Variants in SLC16A2 observed in about 807,000 individuals in gnomAD.
SLC16A2 encodes monocarboxylate transporter 8.
Under a neutral mutation model 27.2 loss-of-function variants are expected in SLC16A2, and 3 were observed. The observed-to-expected ratio is 0.11, with a 90% CI of 0.05 to 0.28. The LOEUF (loss-of-function observed/expected upper bound fraction) is 0.28, where lower values mean the gene tolerates loss of function less well. Ranked by LOEUF, SLC16A2 falls within the 10% of genes least tolerant of loss-of-function variation. The probability of loss-of-function intolerance (pLI) is 1.00; values close to 1 mark genes in which losing one functional copy is unlikely to be tolerated. For missense variants in SLC16A2, 295 were observed against 458.5 expected (o/e 0.64, Z 3.26); for synonymous variants, 202 against 187.8 (o/e 1.08, Z -0.62).
intron 1 of SLC16A2, among the ~76,000 whole-genome samples, chrX:74,478,250 T>G (rs1357089360): frequency 8.9e-6 from 1 of 111,926 alleles, no homozygotes; most frequent in Non-Finnish European, 1.9e-5. Flanking sequence ...AATGGCCTTC[T>G]TTGTCTCTTT....
intron 1 of SLC16A2, among the ~76,000 whole-genome samples, chrX:74,459,564 C>T (rs947442810): frequency 1.8e-5 from 2 of 110,129 alleles, no homozygotes; most frequent in Non-Finnish European, 3.8e-5. Flanking sequence ...TTTTCTCAGT[C>T]ATCAAGCAGG....
At chrX:74,508,261 C>T (rs1248643439) in intron 1 of SLC16A2, among the ~76,000 whole-genome samples, 1 of 111,937 alleles carries the variant, frequency 8.9e-6, no homozygotes, top group East Asian at 2.8e-4. Flanking sequence ...AAAAACCTCG[C>T]TGGGATGTTA....
chrX:74,508,637 T>A (rs908841328), intron 1 of SLC16A2, among the ~76,000 whole-genome samples: 3 of 112,101 alleles, frequency 2.7e-5, no homozygotes, highest in Non-Finnish European at 5.6e-5. Context: ...TGTCTGTAAA[T>A]AAAGACGGTT....
At chrX:74,462,658 T>C (rs986961858) in intron 1 of SLC16A2, among the ~76,000 whole-genome samples, 15 of 111,820 alleles carry the variant, frequency 1.3e-4, no homozygotes, top group African/African-American at 4.9e-4. Flanking sequence ...ACTTCTGTAC[T>C]GAGCCTTCTA....
chrX:74,468,213 G>T (rs559192304), intron 1 of SLC16A2, among the ~76,000 whole-genome samples: 5 of 111,413 alleles, frequency 4.5e-5, no homozygotes, highest in African/African-American at 1.6e-4. Flanking sequence ...TTAGAACATT[G>T]TCATCACCTG....
At chrX:74,446,227 T>G (rs1928834904) in intron 1 of SLC16A2, among the ~76,000 whole-genome samples, 1 of 111,576 alleles carries the variant, frequency 9.0e-6, no homozygotes, top group Non-Finnish European at 1.9e-5. Flanking sequence ...CAAAGCATGG[T>G]CTGCCTCATC....
chrX:74,445,119 C>T (rs774433385), intron 1 of SLC16A2, among the ~76,000 whole-genome samples: 14 of 111,730 alleles, frequency 1.3e-4, no homozygotes, highest in South Asian at 3.8e-4. Context: ...GAAATTGAGA[C>T]GCAGAGAAGT....
chrX:74,481,392 T>C (rs1298887247), intron 1 of SLC16A2, among the ~76,000 whole-genome samples: 2 of 112,107 alleles, frequency 1.8e-5, no homozygotes, highest in Non-Finnish European at 3.8e-5. Flanking sequence ...TTTTACTTGT[T>C]ACAGTTAAAT....
chrX:74,434,716 C>G (rs2147838942), intron 1 of SLC16A2, among the ~76,000 whole-genome samples: 1 of 110,871 alleles, frequency 9.0e-6, no homozygotes, highest in African/African-American at 3.3e-5. Context: ...ACTCTGTGTC[C>G]CAAACAGGTC....
intron 1 of SLC16A2, among the ~76,000 whole-genome samples, chrX:74,517,120 G>T (rs964936033): frequency 9.0e-6 from 1 of 111,684 alleles, no homozygotes; most frequent in Non-Finnish European, 1.9e-5. Flanking sequence ...ATGATAAAAT[G>T]ATACAGAACT....
At chrX:74,463,901 T>C (rs1346419189) in intron 1 of SLC16A2, among the ~76,000 whole-genome samples, 3 of 112,393 alleles carry the variant, frequency 2.7e-5, no homozygotes, top group African/African-American at 9.7e-5. Context: ...ATGTACATCA[T>C]CCTCAAAAGT....
At chrX:74,521,865 T>G (rs1461935933) in intron 2 of SLC16A2, among the ~76,000 whole-genome samples, 1 of 112,215 alleles carries the variant, frequency 8.9e-6, no homozygotes, top group Non-Finnish European at 1.9e-5. Context: ...CTAGTCCCAC[T>G]GGTTCCACTG....
chrX:74,488,751 A>G (rs1447489845), intron 1 of SLC16A2, among the ~76,000 whole-genome samples: 1 of 111,510 alleles, frequency 9.0e-6, no homozygotes, highest in East Asian at 2.8e-4. Flanking sequence ...AATTCACCAC[A>G]CAAGATTCTT....
At chrX:74,425,972 A>G (rs1286729286) in intron 1 of SLC16A2, among the ~76,000 whole-genome samples, 1 of 111,835 alleles carries the variant, frequency 8.9e-6, no homozygotes, top group African/African-American at 3.3e-5. Flanking sequence ...GTTCAGGCTG[A>G]TGGTCCACTC....
At chrX:74,473,033 G>A in intron 1 of SLC16A2, 1 of 515,232 alleles carries the variant, frequency 1.9e-6, no homozygotes, top group Non-Finnish European at 3.5e-6. Flanking sequence ...TTCTGCCACT[G>A]CCACAGCTAC....
Position 74,445,048 on chromosome X carries a change from T to A in SLC16A2, c.430+22981T>A, listed in dbSNP as rs776424681. ...AAATCAATGCAAACCATAAGAGAGA[T>A]CTATTTGGGAAGTTGCAGCTTGTCT... On this transcript the variant is annotated intron_variant, in intron 1 of 5. Transcript: ENST00000587091. Among the ~76,000 whole-genome samples the A allele has an allele frequency of 4.5e-5, 5 of 111,873 alleles. No individual in the cohort carries two copies. The South Asian group carries it at 1.9e-3, about 42-fold the overall frequency.
At chrX:74,519,332 C>G (rs1014289183) in intron 1 of SLC16A2, among the ~76,000 whole-genome samples, 11 of 108,116 alleles carry the variant, frequency 1.0e-4, no homozygotes, top group African/African-American at 3.7e-4. Flanking sequence ...CGCCCGCCCC[C>G]ACACCCAGCT....
At chrX:74,490,735 A>G (rs1473934633) in intron 1 of SLC16A2, among the ~76,000 whole-genome samples, 1 of 111,638 alleles carries the variant, frequency 9.0e-6, no homozygotes, top group Non-Finnish European at 1.9e-5. Context: ...CTAAGGAAAC[A>G]CAGTTTCTCA....
intron 1 of SLC16A2, among the ~76,000 whole-genome samples, chrX:74,491,104 GAA>G (rs759339674): frequency 3.5e-4 from 39 of 111,760 alleles, no homozygotes; most frequent in South Asian, 1.5e-3. Context: ...TATTGTCAAT[GAA>G]AAGAGTCAAA....
Sources: gnomAD v4.1 joint callset for allele counts (sites outside exome capture counted in the v4.1 genomes callset) on GRCh38, gnomAD v4.1.1 for gene constraint, MANE v1.5 for transcripts, NCBI Gene and HGNC (gene_info 2026-07-23, HGNC 2026-07-21) for gene names.